Variants in CDK11A observed in about 807,000 individuals in gnomAD.
CDK11A encodes the protein cyclin-dependent kinase 11A.
A neutral mutation model predicts 83.6 loss-of-function variants in CDK11A; 55 were observed. The ratio of observed to expected loss-of-function variants is 0.66; its 90% CI spans 0.53 to 0.82. The LOEUF (loss-of-function observed/expected upper bound fraction) is 0.82, where lower values mean the gene tolerates loss of function less well. Ranked by LOEUF, CDK11A falls within the 40% of genes least tolerant of loss-of-function variation. The probability of loss-of-function intolerance (pLI) is 0.00; values close to 1 mark genes in which losing one functional copy is unlikely to be tolerated. For synonymous variants in CDK11A, 247 were observed against 302.7 expected, an observed-to-expected ratio of 0.82 and a Z score of 1.91; for missense variants, 564 against 810.1, an observed-to-expected ratio of 0.70 and a Z score of 3.69.
intron 4 of CDK11A, among the ~76,000 whole-genome samples, chr1:1,718,471 A>G (rs1289202761): frequency 1.4e-5 from 2 of 139,934 alleles, no homozygotes; most frequent in Admixed American, 1.5e-4. Context: ...GCTTTCAGCT[A>G]GAGTTTGCTC....
rs750335453 is a variant in CDK11A at position 1,707,381 on chromosome 1, G to A, written c.1245+28C>T. ...GTAACTCCGACTGCCAATGCGGACA[G>A]CGGCCCGGGGCGAGGGGAGGGCCTG... is the stretch of plus-strand genomic sequence containing the variant. On this transcript the variant is annotated intron_variant, in intron 11 of 19. Coordinates refer to ENST00000404249, the MANE Select transcript of CDK11A (RefSeq NM_024011.4). 24 of 1,602,750 alleles carry A rather than the reference G, an allele frequency of 1.5e-5. 1 individual carries two copies. Among genetic ancestry groups the A allele is most frequent in the Non-Finnish European group, 2.0e-5 (24 of 1,173,386 alleles).
In CDK11A at chr1:1,722,740, C is replaced by T. The variant is rs1557804825; in HGVS notation, c.79G>A (p.Glu27Lys). The T allele has an allele frequency of 7.2e-6, 11 of 1,520,904 alleles. No individual in the cohort carries two copies. In the Admixed American group the frequency reaches 2.4e-4, roughly 33 times the overall value. 94.2% of individuals were successfully genotyped at this position (1,520,904 alleles called of 1,614,324 possible). A position where few individuals can be genotyped will look rare whatever the true frequency, so the allele number is the denominator to read the frequency against. Residue 27 changes from glutamate to lysine, a missense_variant, in exon 2 of 20, where the codon GAG becomes AAG. By Grantham distance (56) the Glu-to-Lys change is moderately conservative. This residue lies in a region of CDK11A where 28 missense variants were observed against 54.8 expected (regional missense o/e 0.51). Transcript: ENST00000404249. The part of the protein sequence containing the change: ...LQEKKRRKEQ[E>K]EKAEIKRLKN... ...AAGCGTTTTATCTCTGCTTTCTCCT[C>T]TTGTTCCTTCCTTCGTTTCTTTTCC...
intron 5 of CDK11A, among the ~76,000 whole-genome samples, chr1:1,713,711 G>A (rs1317972889): frequency 1.9e-5 from 1 of 53,480 alleles, no homozygotes; most frequent in African/African-American, 3.6e-5. Flanking sequence ...AAGATGTGAG[G>A]AGAGATATTT....
Position 1,716,933 on chromosome 1 carries a change from T to C in CDK11A, c.356-455A>G, listed in dbSNP as rs1044880760. On this transcript the variant is annotated intron_variant, in intron 4 of 19. Coordinates refer to ENST00000404249, the MANE Select transcript of CDK11A (RefSeq NM_024011.4). ...GTAATCCTAATCTTTTTTTTTTTTT[T>C]TTTGAAGAGACAGGGTCTCACTATA... is the stretch of plus-strand genomic sequence containing the variant. Among the ~76,000 whole-genome samples the C allele has an allele frequency of 1.0e-4, 15 of 147,550 alleles. 2 individuals are homozygous for C. Among genetic ancestry groups the C allele is most frequent in the African/African-American group, 3.7e-4 (15 of 40,118 alleles).
chr1:1,716,092 A>G (rs1392519420), intron 5 of CDK11A, among the ~76,000 whole-genome samples: 1 of 150,630 alleles, frequency 6.6e-6, no homozygotes, highest in Non-Finnish European at 1.5e-5. Context: ...GCCCGGCGGG[A>G]CGTGCAGATT....
Position 1,713,655 on chromosome 1 carries a change from G to A in CDK11A, c.489-1255C>T, listed in dbSNP as rs551879659. Among the ~76,000 whole-genome samples, 93 of 44,420 alleles carry A rather than the reference G, an allele frequency of 2.1e-3. 18 individuals are homozygous for A. The highest frequency in any genetic ancestry group is 3.5e-3 in the African/African-American group (90 of 25,820). 29.1% of individuals were successfully genotyped at this position (44,420 alleles called of 152,430 possible). A position where few individuals can be genotyped will look rare whatever the true frequency, so the allele number is the denominator to read the frequency against. On this transcript the variant is annotated intron_variant, in intron 5 of 19. Coordinates refer to ENST00000404249, the MANE Select transcript of CDK11A (RefSeq NM_024011.4). ...GCAGTCCATTTATGCCACATACCACGACAACAGTGTAATTATTTTACACAA... is the reference window on the plus strand; with the variant it reads ...GCAGTCCATTTATGCCACATACCACAACAACAGTGTAATTATTTTACACAA...
chr1:1,719,094 A>G lies in CDK11A; in HGVS notation c.355+234T>C, dbSNP rs374031384. Reference sequence around the variant, plus strand: ...CTCTGGTTTTCGGTCTGTGACGCACACATGCTTTCAGCTAGAGTTTGCTCT... The same window carrying G: ...CTCTGGTTTTCGGTCTGTGACGCACGCATGCTTTCAGCTAGAGTTTGCTCT... On this transcript the variant is annotated intron_variant, in intron 4 of 19. Coordinates refer to ENST00000404249, the MANE Select transcript of CDK11A (RefSeq NM_024011.4). The G allele has an allele frequency of 2.0e-4, 56 of 286,482 alleles. 1 individual carries two copies. Among genetic ancestry groups the G allele is most frequent in the Non-Finnish European group, 3.4e-4 (52 of 154,094 alleles). The allele number at this position is 286,482 out of a possible 1,614,324, so 17.7% of individuals were successfully genotyped here. A position where few individuals can be genotyped will look rare whatever the true frequency, so the allele number is the denominator to read the frequency against.
intron 4 of CDK11A, among the ~76,000 whole-genome samples, chr1:1,718,688 G>A (rs1318497476): frequency 6.9e-6 from 1 of 143,912 alleles, no homozygotes; most frequent in African/African-American, 2.5e-5. Flanking sequence ...AGGCTAGAGT[G>A]TGCAGTGGTG....
chr1:1,719,563 C>T lies in CDK11A; in HGVS notation c.228-108G>A, dbSNP rs190854665. Reference sequence around the variant, plus strand: ...GAAAAATGCATGATTCAGATAGGAACGAAGCTGAAACATCATTTAAAAAAT... The same window carrying T: ...GAAAAATGCATGATTCAGATAGGAATGAAGCTGAAACATCATTTAAAAAAT... On this transcript the variant is annotated intron_variant, in intron 3 of 19. Transcript: ENST00000404249. 23 of 763,760 alleles carry T rather than the reference C, an allele frequency of 3.0e-5. 1 individual carries two copies. In the African/African-American group the frequency reaches 3.1e-4, roughly 10 times the overall value. The allele number at this position is 763,760 out of a possible 1,614,324, so 47.3% of individuals were successfully genotyped here.
Position 1,703,886 on chromosome 1 carries a change from G to A in CDK11A, c.1849C>T (p.Leu617=). 6.2e-7 allele frequency: 1 copy of A among 1,609,798 alleles called. No homozygotes were observed. Among genetic ancestry groups the A allele is most frequent in the Non-Finnish European group, 8.5e-7 (1 of 1,176,992 alleles). ...WSVGCIFGEL[L]TQKPLFPGNS... ...CCGGGGAACAGAGGCTTCTGAGTCA[G>A]CAGCTCCCCGAAGATGCAGCCCACT... Residue 617 remains leucine (L), a synonymous_variant, in exon 17 of 20, where the codon CTG becomes TTG. Transcript: ENST00000404249.
At chr1:1,717,458 C>G (rs2101289346) in intron 4 of CDK11A, among the ~76,000 whole-genome samples, 1 of 151,338 alleles carries the variant, frequency 6.6e-6, no homozygotes, top group South Asian at 2.1e-4. Context: ...GAGCAAATAC[C>G]CATTTTGGGG....
intron 17 of CDK11A, 23 bp from the exon 18 acceptor site, chr1:1,703,647 C>A (rs1476297343): frequency 6.3e-7 from 1 of 1,586,002 alleles, no homozygotes; most frequent in East Asian, 2.3e-5. Flanking sequence ...GGTGCTTCAA[C>A]AGCCACACCA....
rs748202034 is a variant in CDK11A at position 1,703,516 on chromosome 1, C to T, written c.2020G>A (p.Gly674Arg). Residue 674 changes from glycine to arginine, a missense_variant, in exon 18 of 20, where the codon GGG (glycine) becomes AGG (arginine). Coordinates refer to ENST00000404249, the MANE Select transcript of CDK11A (RefSeq NM_024011.4). ...HPYNNLRKRF[G>R]ALLSDQGFDL... ...AAGCCCTGGTCTGAGAGCAGAGCCC[C>T]GAAGCGCTTGCGGAGGTTGTTGTAG... 22 of 1,551,452 alleles carry T rather than the reference C, an allele frequency of 1.4e-5. 1 individual carries two copies. Among genetic ancestry groups the T allele is most frequent in the Admixed American group, 5.6e-5 (3 of 53,796 alleles).
chr1:1,704,801 A>G (rs1644247655), intron 13 of CDK11A, 103 bp downstream of exon 13: 10 of 1,597,534 alleles, frequency 6.3e-6, no homozygotes, highest in Admixed American at 1.7e-5. Context: ...GAAGGGCTCC[A>G]CTAAGTGCAG....
chr1:1,704,540 G>T lies in CDK11A; in HGVS notation c.1564+10C>A, dbSNP rs1534951. ...TTGTACGCAGACAGGACCCCGGGGC[G>T]CGGCTGTACCTGGCAGGAAGGGCTG... On this transcript the variant is annotated intron_variant, in intron 14 of 19. Coordinates refer to ENST00000404249, the MANE Select transcript of CDK11A (RefSeq NM_024011.4). The T allele has an allele frequency of 2.5e-6, 4 of 1,598,222 alleles. No homozygotes were observed. The African/African-American group carries it at 5.4e-5, about 22-fold the overall frequency.
rs555885629 is a variant in CDK11A, at chr1:1,717,909, T to G, written c.355+1419A>C. ...AGTTTGCTCTCTCTGGTTTTCAGTC[T>G]GTGACACATGCATGCTTTCAGCTAG... is the stretch of plus-strand genomic sequence containing the variant. On this transcript the variant is annotated intron_variant, in intron 4 of 19. Coordinates refer to ENST00000404249, the MANE Select transcript of CDK11A (RefSeq NM_024011.4). 1.3e-4 allele frequency among the ~76,000 whole-genome samples: 20 copies of G among 150,150 alleles called. 1 individual carries two copies. Among genetic ancestry groups the G allele is most frequent in the Middle Eastern group, 3.6e-3 (1 of 278 alleles).
chr1:1,705,561 C>T lies in CDK11A; in HGVS notation c.1336+81G>A, dbSNP rs543316009. The T allele has an allele frequency of 2.0e-3, 946 of 480,290 alleles. 246 individuals carry two copies. The South Asian group carries it at 0.02, about 10-fold the overall frequency. 29.8% of individuals were successfully genotyped at this position (480,290 alleles called of 1,614,324 possible). Reference sequence around the variant, plus strand: ...CCAGTAGCTGCTCAGGTGAAGCGGGCCCAGGTGCAGTCGCAGCTCTCGGGC... The same window carrying T: ...CCAGTAGCTGCTCAGGTGAAGCGGGTCCAGGTGCAGTCGCAGCTCTCGGGC... On this transcript the variant is annotated intron_variant, in intron 12 of 19. Coordinates refer to ENST00000404249, the MANE Select transcript of CDK11A (RefSeq NM_024011.4).
At position 1,706,452 on chromosome 1, in the gene CDK11A, G is replaced by A. The variant is rs1294290272; in HGVS notation, c.1246-720C>T. Among the ~76,000 whole-genome samples, 5 of 151,402 alleles carry A rather than the reference G, an allele frequency of 3.3e-5. 1 individual carries two copies. Among genetic ancestry groups the A allele is most frequent in the South Asian group, 4.2e-4 (2 of 4,782 alleles). On this transcript the variant is annotated intron_variant, in intron 11 of 19. Transcript: ENST00000404249. ...TAGTTCCAGCTACTCAGGAGGCTGA[G>A]ATGGGAGGATTGTTTGAGCCTGGGA... is the stretch of plus-strand genomic sequence containing the variant.
intron 11 of CDK11A, among the ~76,000 whole-genome samples, 168 bp from the exon 12 acceptor site, chr1:1,705,900 C>T (rs1644288308): frequency 7.7e-6 from 1 of 129,810 alleles, no homozygotes; most frequent in Non-Finnish European, 1.6e-5. Context: ...AGTCTCTTTC[C>T]TTGCAAAACC....
Sources: gnomAD v4.1 joint callset for allele counts (sites outside exome capture counted in the v4.1 genomes callset) on GRCh38, gnomAD v4.1.1 for gene constraint, gnomAD v4.1.1 regional missense constraint, MANE v1.5 for transcripts, NCBI Gene and HGNC (gene_info 2026-07-23, HGNC 2026-07-21) for gene names.